Variants in BCL2L1 observed in about 807,000 individuals in gnomAD.
The protein encoded by BCL2L1 is bcl-2-like protein 1.
BCL2L1 carries 1 observed loss-of-function variant against 18.7 expected under a neutral mutation model. The ratio of observed to expected loss-of-function variants is 0.05; its 90% CI spans 0.02 to 0.25. The LOEUF is 0.25. BCL2L1 is among the 10% of genes least tolerant of loss of function. The probability of loss-of-function intolerance (pLI) is 1.00; values close to 1 mark genes in which losing one functional copy is unlikely to be tolerated. For synonymous variants in BCL2L1, 103 were observed against 122.7 expected (o/e 0.84, Z 1.06); for missense variants, 207 against 304.9 (o/e 0.68, Z 2.39).
At chr20:31,685,456 T>C (rs1438788610) in intron 2 of BCL2L1, among the ~76,000 whole-genome samples, 2 of 152,032 alleles carry the variant, frequency 1.3e-5, no homozygotes, top group African/African-American at 4.8e-5. Context: ...TGGAAAAATG[T>C]TCCCCAAACT....
intron 2 of BCL2L1, among the ~76,000 whole-genome samples, chr20:31,702,564 A>G (rs1020132946): frequency 6.6e-6 from 1 of 151,692 alleles, no homozygotes; most frequent in Non-Finnish European, 1.5e-5. Context: ...CCCAGGGTGG[A>G]GTGCAATGGT....
intron 2 of BCL2L1, among the ~76,000 whole-genome samples, chr20:31,690,889 C>T: frequency 6.6e-6 from 1 of 151,776 alleles, no homozygotes; most frequent in South Asian, 2.1e-4. Context: ...TGGCTCAGGC[C>T]TGTAATCCCA....
At chr20:31,697,777 C>G (rs145807233) in intron 2 of BCL2L1, among the ~76,000 whole-genome samples, 1 of 152,010 alleles carries the variant, frequency 6.6e-6, no homozygotes, top group East Asian at 2.0e-4. Context: ...GTTTTCTTCT[C>G]TGTAGAATGT....
At chr20:31,711,652 G>A (rs1017564860) in intron 2 of BCL2L1, among the ~76,000 whole-genome samples, 23 of 152,196 alleles carry the variant, frequency 1.5e-4, no homozygotes, top group Non-Finnish European at 1.9e-4. Flanking sequence ...CACACATCCA[G>A]CTTTAGGAGA....
rs1488522126 is a variant in BCL2L1 at position 31,683,948 on chromosome 20, G to T, written c.565-17862C>A. On this transcript the variant is annotated intron_variant, in intron 2 of 2. Transcript: ENST00000307677. ...ATTCTTCCTATAAAGAGTATCATTT[G>T]CCCCAGATGGAAATCAACATAAAAT... is the stretch of plus-strand genomic sequence containing the variant. 6.6e-5 allele frequency among the ~76,000 whole-genome samples: 10 copies of T among 152,228 alleles called. No individual in the cohort carries two copies. The East Asian group carries it at 1.4e-3, about 21-fold the overall frequency.
intron 2 of BCL2L1, among the ~76,000 whole-genome samples, chr20:31,688,102 G>T (rs1313233893): frequency 6.6e-6 from 1 of 152,120 alleles, no homozygotes; most frequent in Non-Finnish European, 1.5e-5. Context: ...CTTGATACAT[G>T]AAAGTGTTTA....
intron 2 of BCL2L1, among the ~76,000 whole-genome samples, chr20:31,668,455 T>G (rs552644789): frequency 6.6e-6 from 1 of 151,864 alleles, no homozygotes; most frequent in African/African-American, 2.4e-5. Flanking sequence ...TACAGACATG[T>G]GCCACCATGC....
intron 2 of BCL2L1, among the ~76,000 whole-genome samples, chr20:31,688,123 A>C (rs2060992923): frequency 6.6e-6 from 1 of 152,110 alleles, no homozygotes; most frequent in Admixed American, 6.6e-5. Context: ...TCTTATATCC[A>C]GGGCCAGGTA....
At chr20:31,673,057 T>C (rs2060696009) in intron 2 of BCL2L1, among the ~76,000 whole-genome samples, 2 of 150,380 alleles carry the variant, frequency 1.3e-5, no homozygotes, top group Admixed American at 6.7e-5. Flanking sequence ...CTCTGGTCCA[T>C]GGTGTCCTTG....
At chr20:31,714,945 C>A (rs2061505610) in intron 2 of BCL2L1, among the ~76,000 whole-genome samples, 1 of 152,122 alleles carries the variant, frequency 6.6e-6, no homozygotes, top group Admixed American at 6.5e-5. Context: ...GCAATTGCAC[C>A]AGCCTCTTCA....
intron 2 of BCL2L1, among the ~76,000 whole-genome samples, chr20:31,684,840 C>G (rs1423690515): frequency 2.0e-5 from 3 of 152,168 alleles, no homozygotes; most frequent in Non-Finnish European, 4.4e-5. Context: ...TACATCTCCA[C>G]GGTTGGTTGC....
At chr20:31,721,274 G>GT in intron 2 of BCL2L1, among the ~76,000 whole-genome samples, 1 of 152,204 alleles carries the variant, frequency 6.6e-6, no homozygotes, top group Non-Finnish European at 1.5e-5. Context: ...TCTTCTCCAG[G>GT]CATTATACTC....
At chr20:31,700,930 C>T (rs2061268791) in intron 2 of BCL2L1, among the ~76,000 whole-genome samples, 1 of 152,154 alleles carries the variant, frequency 6.6e-6, no homozygotes, top group Admixed American at 6.5e-5. Flanking sequence ...TGGACCAGCC[C>T]CTTTGGCAAA....
intron 2 of BCL2L1, among the ~76,000 whole-genome samples, chr20:31,687,891 G>A (rs931923027): frequency 6.6e-6 from 1 of 151,974 alleles, no homozygotes; most frequent in Non-Finnish European, 1.5e-5. Flanking sequence ...GGCAGGTAAA[G>A]GTGTACTGTA....
intron 2 of BCL2L1, among the ~76,000 whole-genome samples, chr20:31,697,767 G>C (rs1300595653): frequency 6.6e-6 from 1 of 152,150 alleles, no homozygotes; most frequent in East Asian, 1.9e-4. Context: ...CAAAGTCTCA[G>C]TTTTCTTCTC....
intron 2 of BCL2L1, chr20:31,720,473 A>G (rs1465980359): frequency 1.1e-5 from 10 of 933,480 alleles, no homozygotes; most frequent in Non-Finnish European, 1.3e-5. Flanking sequence ...GTAGGGAGAT[A>G]AGCAAGAAAA....
chr20:31,669,928 C>G (rs1221363710), intron 2 of BCL2L1, among the ~76,000 whole-genome samples: 1 of 152,200 alleles, frequency 6.6e-6, no homozygotes, highest in Non-Finnish European at 1.5e-5. Context: ...ATTTGAGCCA[C>G]ATTTCACAAA....
chr20:31,666,987 G>A (rs79616906), intron 2 of BCL2L1, among the ~76,000 whole-genome samples: 12,026 of 152,240 alleles, frequency 0.079, 494 homozygotes, highest in Middle Eastern at 0.11. Flanking sequence ...AGTAAGCGTA[G>A]TACCCAATTT....
At chr20:31,709,650 G>C (rs529734155) in intron 2 of BCL2L1, among the ~76,000 whole-genome samples, 3 of 151,840 alleles carry the variant, frequency 2.0e-5, no homozygotes, top group African/African-American at 7.2e-5. Flanking sequence ...TGGCTAACAC[G>C]GTGAAACCCC....
Sources: gnomAD v4.1 joint callset for allele counts (sites outside exome capture counted in the v4.1 genomes callset) on GRCh38, gnomAD v4.1.1 for gene constraint, MANE v1.5 for transcripts, NCBI Gene and HGNC (gene_info 2026-07-23, HGNC 2026-07-21) for gene names.